The following CAST variants were observed in gnomAD, a reference collection of about 807,000 sequenced individuals.
CAST encodes the protein MIR583 host.
In CAST, 76 loss-of-function variants were observed where a neutral mutation model predicts 119.6. That is an observed-to-expected ratio of 0.64 (90% CI 0.53 to 0.77). The LOEUF is 0.77. CAST is among the 30% of genes least tolerant of loss of function. CAST has a pLI of 0.00. For missense variants in CAST, 953 were observed against 946.5 expected, an observed-to-expected ratio of 1.01 and a Z score of -0.09; for synonymous variants, 319 against 331.6, an observed-to-expected ratio of 0.96 and a Z score of 0.41.
chr5:96,622,316 A>AGGTTTGTG (rs1187939664), intron 1 of CAST, among the ~76,000 whole-genome samples: 1 of 152,162 alleles, frequency 6.6e-6, no homozygotes, highest in East Asian at 1.9e-4. Flanking sequence ...TGAAACACTT[A>AGGTTTGTG]GGTTTGTGTC....
At chr5:96,594,438 A>T (rs965622742) in intron 1 of CAST, among the ~76,000 whole-genome samples, 1 of 152,228 alleles carries the variant, frequency 6.6e-6, no homozygotes, top group Non-Finnish European at 1.5e-5. Context: ...AAAACAAAAT[A>T]CTAAGATTAT....
chr5:96,528,500 T>C (rs759044243), upstream of CAST, among the ~76,000 whole-genome samples: 1 of 152,062 alleles, frequency 6.6e-6, no homozygotes, highest in Non-Finnish European at 1.5e-5. Flanking sequence ...AATATCCCCA[T>C]GTGATGGAGC....
the CAST span, among the ~76,000 whole-genome samples, chr5:96,337,265 C>T: frequency 1.3e-5 from 2 of 152,032 alleles, no homozygotes; most frequent in African/African-American, 4.8e-5. Flanking sequence ...GACCCAAACC[C>T]CTTTTAGCCT....
the CAST span, chr5:96,408,333 G>T: frequency 6.2e-7 from 1 of 1,606,056 alleles, no homozygotes; most frequent in Non-Finnish European, 8.5e-7. Flanking sequence ...TCTGGATGAC[G>T]TCAGGAAGGA....
chr5:96,493,725 C>T, the CAST span, among the ~76,000 whole-genome samples: 2 of 152,266 alleles, frequency 1.3e-5, no homozygotes, highest in East Asian at 1.9e-4. Flanking sequence ...CATGCCTGCT[C>T]TTTCTCTTCA....
the CAST span, among the ~76,000 whole-genome samples, chr5:96,006,901 G>T: frequency 1.3e-5 from 2 of 152,106 alleles, no homozygotes; most frequent in African/African-American, 4.8e-5. Context: ...TTCACTCTGT[G>T]GGTTCAGCAA....
intron 1 of CAST, among the ~76,000 whole-genome samples, chr5:96,579,180 G>A (rs746414226): frequency 7.2e-5 from 11 of 152,138 alleles, no homozygotes; most frequent in Non-Finnish European, 1.3e-4. Context: ...TCCTAGGCAC[G>A]TGGAAGTGGA....
At chr5:96,434,713 A>G in the CAST span, among the ~76,000 whole-genome samples, 4 of 152,132 alleles carry the variant, frequency 2.6e-5, no homozygotes, top group African/African-American at 9.7e-5. Flanking sequence ...GAAAGAAAGC[A>G]TATAAACAAG....
the CAST span, among the ~76,000 whole-genome samples, chr5:96,035,620 T>C: frequency 6.6e-6 from 1 of 151,264 alleles, no homozygotes; most frequent in Non-Finnish European, 1.5e-5. Flanking sequence ...AAGAGTGGAA[T>C]GGGGGGAATT....
the CAST span, among the ~76,000 whole-genome samples, chr5:96,036,996 A>G: frequency 2.3e-4 from 35 of 152,262 alleles, no homozygotes; most frequent in Non-Finnish European, 3.1e-4. Context: ...AATCTGATCT[A>G]CCTTCCCTTG....
the CAST span, among the ~76,000 whole-genome samples, chr5:95,973,678 T>C: frequency 6.6e-6 from 1 of 152,230 alleles, no homozygotes; most frequent in Non-Finnish European, 1.5e-5. Flanking sequence ...CTATGCTACA[T>C]TGATCTACGT....
At chr5:96,091,864 C>T in the CAST span, among the ~76,000 whole-genome samples, 14 of 152,146 alleles carry the variant, frequency 9.2e-5, no homozygotes, top group East Asian at 5.8e-4. Flanking sequence ...GCACCTGCCT[C>T]GTGGGGTTGG....
chr5:96,703,912 T>A lies in CAST; in HGVS notation c.210+8005T>A, dbSNP rs113370272. On this transcript the variant is annotated intron_variant, in intron 3 of 31. Coordinates refer to ENST00000675179, the MANE Select transcript of CAST (RefSeq NM_001750.7). ...ATAGATTGCTTCTTTCTGATGAATG[T>A]ATTCGACTTTTGTGCACTGATTTTT... is the stretch of plus-strand genomic sequence containing the variant. Among the ~76,000 whole-genome samples, 592 of 152,366 alleles carry A rather than the reference T, an allele frequency of 3.9e-3. 10 individuals are homozygous for A. The highest frequency in any genetic ancestry group is 0.033 in the South Asian group (159 of 4,834).
chr5:96,209,435 G>T, the CAST span, among the ~76,000 whole-genome samples: 2 of 151,946 alleles, frequency 1.3e-5, no homozygotes, highest in African/African-American at 4.8e-5. Context: ...AATTAAGTGT[G>T]TTTTTTTAGT....
chr5:96,188,843 AGT>A, the CAST span, among the ~76,000 whole-genome samples: 1 of 152,208 alleles, frequency 6.6e-6, no homozygotes, highest in African/African-American at 2.4e-5. Flanking sequence ...ACTGATAAAT[AGT>A]GTGTTTATCA....
chr5:96,436,813 A>G, the CAST span, among the ~76,000 whole-genome samples: 3 of 152,192 alleles, frequency 2.0e-5, no homozygotes, highest in South Asian at 2.1e-4. Context: ...TGGGGTTACC[A>G]CTTAAAGATA....
the CAST span, among the ~76,000 whole-genome samples, chr5:96,472,488 A>G: frequency 6.6e-6 from 1 of 152,212 alleles, no homozygotes; most frequent in Non-Finnish European, 1.5e-5. Flanking sequence ...CTCAATAAAT[A>G]ATTGTTGAAT....
the CAST span, among the ~76,000 whole-genome samples, chr5:96,191,120 C>T: frequency 6.6e-6 from 1 of 152,214 alleles, no homozygotes; most frequent in African/African-American, 2.4e-5. Flanking sequence ...ACTAGAACTC[C>T]TTTCCCATAT....
chr5:96,544,182 C>A, intron 1 of CAST, among the ~76,000 whole-genome samples: 1 of 152,216 alleles, frequency 6.6e-6, no homozygotes, highest in East Asian at 1.9e-4. Flanking sequence ...TCGAGTCTTC[C>A]AATCCATGAA....
Sources: allele counts gnomAD v4.1 joint callset (sites outside exome capture counted in the v4.1 genomes callset), GRCh38; gene constraint gnomAD v4.1.1; transcripts MANE v1.5; gene names NCBI Gene and HGNC (gene_info 2026-07-23, HGNC 2026-07-21).